The following RAB39A variants were observed in gnomAD, a reference collection of about 807,000 sequenced individuals.
The protein encoded by RAB39A is ras-related protein Rab-39A.
RAB39A carries 17 observed loss-of-function variants against 20.9 expected under a neutral mutation model. The observed-to-expected ratio is 0.81, with a 90% CI of 0.56 to 1.22. RAB39A has a LOEUF of 1.22. Among genes scored for constraint, RAB39A ranks in the 50% most tolerant of loss-of-function variants. The pLI is 0.00. For synonymous variants in RAB39A, 99 were observed against 103.4 expected (o/e 0.96, Z 0.26); for missense variants, 234 against 270.5 (o/e 0.87, Z 0.95).
At chr11:107,935,088 C>T (rs1861180537) in intron 1 of RAB39A, among the ~76,000 whole-genome samples, 1 of 152,124 alleles carries the variant, frequency 6.6e-6, no homozygotes, top group Non-Finnish European at 1.5e-5. Context: ...CATCTTTCTC[C>T]TTGCCAGGTG....
At chr11:107,953,029 G>T (rs944982955) in intron 1 of RAB39A, among the ~76,000 whole-genome samples, 1 of 152,196 alleles carries the variant, frequency 6.6e-6, no homozygotes, top group Non-Finnish European at 1.5e-5. Flanking sequence ...GGGGAAATTG[G>T]GAATTGCTGT....
rs1591250961 is a variant in RAB39A, at chr11:107,962,132, A to G, written c.414A>G (p.Thr138=). Residue 138 remains threonine, a synonymous_variant, in exon 2 of 2, where the codon ACA becomes ACG. Transcript: ENST00000320578. The stretch of plus-strand genomic sequence containing the variant: ...ATTTAGCTTCACAACGTCAAGTTAC[A>G]AGGGAAGAAGCTGAAAAACTGTCAG... ...KCDLASQRQV[T]REEAEKLSAD... is the part of the protein sequence containing the mutation. The G allele has an allele frequency of 6.2e-7, 1 of 1,614,184 alleles. No individual in the cohort carries two copies.
chr11:107,960,444 T>C (rs796101969), intron 1 of RAB39A, among the ~76,000 whole-genome samples: 7 of 152,130 alleles, frequency 4.6e-5, no homozygotes, highest in African/African-American at 1.7e-4. Flanking sequence ...GAAGCAGACA[T>C]AGGAGTTTCT....
intron 1 of RAB39A, among the ~76,000 whole-genome samples, chr11:107,953,370 A>G (rs577701198): frequency 5.9e-5 from 9 of 152,316 alleles, no homozygotes; most frequent in Admixed American, 4.6e-4. Context: ...GAGTTAGTAG[A>G]AGAATGGTTG....
chr11:107,961,440 T>C (rs1861494772), intron 1 of RAB39A, among the ~76,000 whole-genome samples: 1 of 152,058 alleles, frequency 6.6e-6, no homozygotes, highest in Non-Finnish European at 1.5e-5. Context: ...ACCACCACAT[T>C]AGGGTTAGCA....
intron 1 of RAB39A, among the ~76,000 whole-genome samples, chr11:107,947,970 A>G (rs1246640821): frequency 3.7e-5 from 4 of 107,394 alleles, no homozygotes; most frequent in African/African-American, 9.8e-5. Context: ...AAGATGTGCT[A>G]TACACACACG....
intron 1 of RAB39A, among the ~76,000 whole-genome samples, chr11:107,956,533 G>T (rs1270024972): frequency 6.6e-6 from 1 of 152,232 alleles, no homozygotes; most frequent in Non-Finnish European, 1.5e-5. Flanking sequence ...CTTCTATGGA[G>T]TGATTAGTAA....
At chr11:107,947,269 TTTTG>T (rs1861328862) in intron 1 of RAB39A, among the ~76,000 whole-genome samples, 1 of 151,830 alleles carries the variant, frequency 6.6e-6, no homozygotes, top group Non-Finnish European at 1.5e-5. Context: ...GCCCGGCTAA[TTTTG>T]TTTTTCTGTA....
intron 1 of RAB39A, among the ~76,000 whole-genome samples, chr11:107,961,590 C>T (rs1377627670): frequency 2.0e-5 from 3 of 152,158 alleles, no homozygotes; most frequent in Non-Finnish European, 4.4e-5. Flanking sequence ...TGTTGTACAA[C>T]CTGTGCCCTT....
At chr11:107,937,050 A>G (rs1274289954) in intron 1 of RAB39A, among the ~76,000 whole-genome samples, 2 of 152,222 alleles carry the variant, frequency 1.3e-5, no homozygotes, top group African/African-American at 4.8e-5. Context: ...TTGTTAATAG[A>G]AAGGTCAGCT....
intron 1 of RAB39A, among the ~76,000 whole-genome samples, chr11:107,946,432 G>GCA (rs1861314469): frequency 4.7e-5 from 1 of 21,202 alleles, no homozygotes; most frequent in Admixed American, 1.0e-3. Flanking sequence ...GTGTGTGTGT[G>GCA]TGTGTATATA....
rs971776537 is a variant in RAB39A at position 107,943,741 on chromosome 11, A to G, written c.227+14946A>G. Among the ~76,000 whole-genome samples the G allele has an allele frequency of 3.9e-5, 6 of 152,176 alleles. No individual in the cohort carries two copies. In the East Asian group the frequency reaches 7.7e-4, roughly 20 times the overall value. On this transcript the variant is annotated intron_variant, in intron 1 of 1. Coordinates refer to ENST00000320578, the MANE Select transcript of RAB39A (RefSeq NM_017516.3). ...TGGGTAGAATCCAGGCTACACTGCT[A>G]TAACAGACTGCCAAGATATGGCAAC... is the stretch of plus-strand genomic sequence containing the variant.
chr11:107,949,761 A>G (rs1387097649), intron 1 of RAB39A, among the ~76,000 whole-genome samples: 1 of 152,246 alleles, frequency 6.6e-6, no homozygotes, highest in Admixed American at 6.5e-5. Flanking sequence ...AACATTTCTC[A>G]TTAATTTCCA....
At chr11:107,955,984 C>G (rs1861431540) in intron 1 of RAB39A, among the ~76,000 whole-genome samples, 1 of 151,952 alleles carries the variant, frequency 6.6e-6, no homozygotes, top group African/African-American at 2.4e-5. Flanking sequence ...ACTCCCTTCC[C>G]CCAAGAAACT....
chr11:107,943,440 G>A (rs777219609), intron 1 of RAB39A, among the ~76,000 whole-genome samples: 7 of 151,918 alleles, frequency 4.6e-5, no homozygotes, highest in South Asian at 4.2e-4. Context: ...GTGTGGTGGC[G>A]AGTGCCTGTA....
intron 1 of RAB39A, among the ~76,000 whole-genome samples, chr11:107,935,311 A>G (rs1257485388): frequency 1.3e-5 from 2 of 152,096 alleles, no homozygotes; most frequent in Middle Eastern, 3.2e-3. Flanking sequence ...CAATGCTTGT[A>G]TATATATGAG....
intron 1 of RAB39A, among the ~76,000 whole-genome samples, chr11:107,930,385 G>A (rs1264550836): frequency 1.3e-5 from 2 of 152,096 alleles, no homozygotes; most frequent in Admixed American, 6.5e-5. Context: ...CTCAATCAGA[G>A]GTAAACTTTG....
At chr11:107,961,815 A>G in intron 1 of RAB39A, 131 bp from the exon 2 acceptor site, 1 of 772,720 alleles carries the variant, frequency 1.3e-6, no homozygotes, top group Non-Finnish European at 2.0e-6. Flanking sequence ...GAGATACCTC[A>G]TATTTTATTT....
intron 1 of RAB39A, among the ~76,000 whole-genome samples, chr11:107,960,075 T>TG (rs1366958106): frequency 2.6e-5 from 4 of 152,010 alleles, no homozygotes; most frequent in Admixed American, 6.6e-5. Flanking sequence ...CTGGGGGTGG[T>TG]GGCATGCGCC....
Sources: gnomAD v4.1 joint callset for allele counts (sites outside exome capture counted in the v4.1 genomes callset) on GRCh38, gnomAD v4.1.1 for gene constraint, MANE v1.5 for transcripts, NCBI Gene and HGNC (gene_info 2026-07-23, HGNC 2026-07-21) for gene names.